NAV3: variants seen among roughly 807,000 people sequenced by gnomAD.
NAV3 encodes pore membrane and/or filament interacting like protein 1.
NAV3 carries 87 observed loss-of-function variants against 244.7 expected under a neutral mutation model. The ratio of observed to expected loss-of-function variants is 0.36; its 90% CI spans 0.30 to 0.42. The LOEUF (loss-of-function observed/expected upper bound fraction) is 0.42. Among genes scored for constraint, NAV3 ranks in the 20% least tolerant of loss-of-function variants. The probability of loss-of-function intolerance (pLI) is 1.00; values close to 1 mark genes in which losing one functional copy is unlikely to be tolerated. For missense variants in NAV3, 2,663 were observed against 2,893.3 expected (o/e 0.92, Z 1.83); for synonymous variants, 1,126 against 1,042.2 (o/e 1.08, Z -1.55).
At chr12:77,582,893 T>C (rs1388203) in intron 2 of NAV3, among the ~76,000 whole-genome samples, 6,285 of 152,300 alleles carry the variant, frequency 0.041, 148 homozygotes, top group Middle Eastern at 0.071. Flanking sequence ...TGAGGAAATA[T>C]TAAATAAAAT....
intron 9 of NAV3, chr12:78,037,403 C>T: frequency 1.5e-6 from 1 of 683,444 alleles, no homozygotes; most frequent in Non-Finnish European, 2.7e-6. Context: ...CCAATTTGCT[C>T]CTAAAAACGT....
intron 1 of NAV3, among the ~76,000 whole-genome samples, chr12:77,931,476 T>C (rs1425866740): frequency 1.3e-5 from 2 of 152,162 alleles, no homozygotes; most frequent in Non-Finnish European, 2.9e-5. Flanking sequence ...GGCTTCTTTT[T>C]ATCTGTCTAT....
intron 23 of NAV3, among the ~76,000 whole-genome samples, chr12:78,167,828 A>G (rs1212143314): frequency 6.6e-6 from 1 of 151,362 alleles, no homozygotes. Flanking sequence ...CTGAGCTTCT[A>G]ATGGAAATAT....
chr12:77,646,318 A>C (rs1872602965), intron 2 of NAV3, among the ~76,000 whole-genome samples: 1 of 152,162 alleles, frequency 6.6e-6, no homozygotes, highest in Non-Finnish European at 1.5e-5. Context: ...AAAAGAGTGA[A>C]ACCTGTGGTG....
At chr12:78,104,606 G>GC (rs1954708145) in intron 12 of NAV3, among the ~76,000 whole-genome samples, 2 of 152,034 alleles carry the variant, frequency 1.3e-5, no homozygotes, top group African/African-American at 4.8e-5. Context: ...TTTTCTTCTT[G>GC]GAATCATTAA....
chr12:78,164,228 T>G (rs1303034105), intron 23 of NAV3, among the ~76,000 whole-genome samples: 1 of 152,058 alleles, frequency 6.6e-6, no homozygotes, highest in East Asian at 1.9e-4. Context: ...TTAGAACATA[T>G]GTTAAGGTAT....
chr12:77,983,900 A>G (rs555647295), intron 5 of NAV3, among the ~76,000 whole-genome samples: 1 of 152,354 alleles, frequency 6.6e-6, no homozygotes, highest in South Asian at 2.1e-4. Flanking sequence ...GATACAAATG[A>G]AATACAAAAC....
Position 77,700,385 on chromosome 12 carries a change from TAGAG to T in NAV3, c.72+128123_72+128126del, listed in dbSNP as rs543939831. Among the ~76,000 whole-genome samples the T allele has an allele frequency of 1.2e-4, 18 of 152,242 alleles. No individual in the cohort carries two copies. In the East Asian group the frequency reaches 2.9e-3, roughly 24 times the overall value. ...TGGGAGAGACAAATAAGCAATTTGA[TAGAG>T]AGAAAATAAATTAAAATTAAAGTTG... On this transcript the variant is annotated intron_variant, in intron 2 of 8. Coordinates refer to the NAV3 transcript ENST00000550042.
intron 3 of NAV3, among the ~76,000 whole-genome samples, chr12:77,947,270 C>G (rs978349796): frequency 6.6e-6 from 1 of 151,790 alleles, no homozygotes; most frequent in Non-Finnish European, 1.5e-5. Context: ...ATTTCTTGAT[C>G]CTATTTCTAT....
At chr12:77,743,687 A>G (rs1868391960) in intron 2 of NAV3, among the ~76,000 whole-genome samples, 1 of 151,902 alleles carries the variant, frequency 6.6e-6, no homozygotes, top group Non-Finnish European at 1.5e-5. Context: ...ATACTGAATG[A>G]AAGAAACAAG....
At chr12:77,744,820 A>G (rs990621111) in intron 2 of NAV3, among the ~76,000 whole-genome samples, 5 of 151,720 alleles carry the variant, frequency 3.3e-5, no homozygotes, top group African/African-American at 9.7e-5. Context: ...CTGAGGGAAG[A>G]TGTGTCATAA....
Position 78,210,747 on chromosome 12 carries a change from A to G in NAV3, c.*230A>G. On this transcript the variant is annotated 3_prime_UTR_variant, in exon 40 of 40. Transcript: ENST00000397909. ...GCATTTTTTATATCTGTGGAGTAAT[A>G]GAAAGCTCCATTACTCAACTGGAAA... 2.0e-6 allele frequency: 1 copy of G among 502,778 alleles called. No individual in the cohort carries two copies. Among genetic ancestry groups the G allele is most frequent in the Non-Finnish European group, 3.5e-6 (1 of 283,936 alleles). 31.1% of individuals were successfully genotyped at this position (502,778 alleles called of 1,614,324 possible).
intron 2 of NAV3, among the ~76,000 whole-genome samples, chr12:77,678,412 A>G (rs986340249): frequency 2.6e-5 from 4 of 152,188 alleles, no homozygotes; most frequent in African/African-American, 9.6e-5. Flanking sequence ...TGGAAATCTT[A>G]GATTTTGCAG....
intron 2 of NAV3, among the ~76,000 whole-genome samples, chr12:77,728,055 G>A (rs1177862619): frequency 6.6e-6 from 1 of 151,820 alleles, no homozygotes; most frequent in African/African-American, 2.4e-5. Context: ...TGATAGCAAA[G>A]CTAGTGAAAT....
chr12:78,134,141 T>C (rs1408989640), intron 18 of NAV3, among the ~76,000 whole-genome samples: 1 of 152,240 alleles, frequency 6.6e-6, no homozygotes, highest in Non-Finnish European at 1.5e-5. Flanking sequence ...CACCTTTGCA[T>C]AGGAACAGTT....
intron 2 of NAV3, among the ~76,000 whole-genome samples, chr12:77,652,490 G>A (rs1004821995): frequency 2.6e-5 from 4 of 151,934 alleles, no homozygotes; most frequent in African/African-American, 4.8e-5. Flanking sequence ...TCTTTTCAAA[G>A]CAATAAAGAT....
intron 2 of NAV3, among the ~76,000 whole-genome samples, chr12:77,621,910 T>C (rs1313340758): frequency 2.0e-5 from 3 of 152,202 alleles, no homozygotes; most frequent in African/African-American, 7.2e-5. Flanking sequence ...TATCATTTGA[T>C]ATCTTAGAAT....
At chr12:77,745,065 G>A (rs750308512) in intron 2 of NAV3, among the ~76,000 whole-genome samples, 1 of 151,928 alleles carries the variant, frequency 6.6e-6, no homozygotes, top group African/African-American at 2.4e-5. Flanking sequence ...TGCTACATAA[G>A]TGTGATAAGG....
At chr12:78,177,047 C>A in intron 26 of NAV3, 94 bp from the exon 27 acceptor site, 1 of 1,219,366 alleles carries the variant, frequency 8.2e-7, no homozygotes, top group Non-Finnish European at 1.2e-6. Context: ...TGACCCCAGG[C>A]AGTGGCTAGG....
Sources: gnomAD v4.1 joint callset for allele counts (sites outside exome capture counted in the v4.1 genomes callset) on GRCh38, gnomAD v4.1.1 for gene constraint, MANE v1.5 for transcripts, NCBI Gene and HGNC (gene_info 2026-07-23, HGNC 2026-07-21) for gene names.